RNF150: variants seen among roughly 807,000 people sequenced by gnomAD.
RNF150 encodes the protein ring finger protein 150.
A neutral mutation model predicts 39.3 loss-of-function variants in RNF150; 24 were observed. That is an observed-to-expected ratio of 0.61 (90% CI 0.44 to 0.86). The LOEUF (loss-of-function observed/expected upper bound fraction) is 0.86, where lower values mean the gene tolerates loss of function less well. Among genes scored for constraint, RNF150 ranks in the 40% least tolerant of loss-of-function variants. RNF150 has a pLI of 0.00. For synonymous variants in RNF150, 255 were observed against 227.3 expected, an observed-to-expected ratio of 1.12 and a Z score of -1.10; for missense variants, 502 against 587.8, an observed-to-expected ratio of 0.85 and a Z score of 1.51.
At chr4:141,140,841 A>G (rs1018496665) in intron 1 of RNF150, among the ~76,000 whole-genome samples, 5 of 152,184 alleles carry the variant, frequency 3.3e-5, no homozygotes, top group African/African-American at 1.2e-4. Flanking sequence ...CCCTTTTATG[A>G]TGAGGCCCAT....
At chr4:141,196,105 C>G (rs1004434296) in intron 1 of RNF150, among the ~76,000 whole-genome samples, 4 of 152,130 alleles carry the variant, frequency 2.6e-5, no homozygotes, top group Admixed American at 6.5e-5. Flanking sequence ...ACAGGTAAAG[C>G]TTTCCTCTTG....
intron 1 of RNF150, among the ~76,000 whole-genome samples, chr4:141,210,493 T>TTC (rs1728445182): frequency 6.6e-6 from 1 of 151,952 alleles, no homozygotes; most frequent in Non-Finnish European, 1.5e-5. Context: ...CAGCTTTTTT[T>TTC]TTTTTTTCCA....
intron 1 of RNF150, among the ~76,000 whole-genome samples, chr4:141,151,458 ACACAGACACACACAC>A (rs1201533102): frequency 9.7e-4 from 7 of 7,224 alleles, no homozygotes; most frequent in Admixed American, 4.0e-3. Flanking sequence ...ACACACACAC[ACACAGACACACACAC>A]AAATTTAAGT....
At chr4:141,129,999 G>T (rs1726850901) in intron 1 of RNF150, among the ~76,000 whole-genome samples, 1 of 152,130 alleles carries the variant, frequency 6.6e-6, no homozygotes, top group Non-Finnish European at 1.5e-5. Flanking sequence ...TCACAAATAT[G>T]CAGATTTTCT....
intron 1 of RNF150, among the ~76,000 whole-genome samples, chr4:141,076,169 C>T (rs1348910026): frequency 6.6e-6 from 1 of 152,116 alleles, no homozygotes; most frequent in Non-Finnish European, 1.5e-5. Flanking sequence ...TAAAAGATGA[C>T]ATGTACAGGA....
intron 1 of RNF150, among the ~76,000 whole-genome samples, chr4:141,169,640 G>A (rs976847507): frequency 2.0e-5 from 3 of 151,984 alleles, no homozygotes; most frequent in African/African-American, 7.2e-5. Context: ...ATCTTCATTT[G>A]GCTGATCTCT....
intron 6 of RNF150, among the ~76,000 whole-genome samples, chr4:140,905,637 A>G (rs1267428055): frequency 6.7e-6 from 1 of 148,414 alleles, no homozygotes; most frequent in Admixed American, 6.8e-5. Flanking sequence ...AAAGGGGTGG[A>G]GAAAGGCACC....
chr4:141,052,045 C>G (rs1461714956), intron 1 of RNF150, among the ~76,000 whole-genome samples: 2 of 152,144 alleles, frequency 1.3e-5, no homozygotes, highest in Non-Finnish European at 2.9e-5. Context: ...GCAAAGAGAG[C>G]TTCTGCAGGG....
intron 1 of RNF150, among the ~76,000 whole-genome samples, chr4:141,039,404 G>C (rs1178370154): frequency 6.6e-6 from 1 of 151,782 alleles, no homozygotes; most frequent in African/African-American, 2.4e-5. Flanking sequence ...GGTAGAGAAA[G>C]AAAGGGGAGG....
At chr4:141,041,005 C>T (rs1002849523) in intron 1 of RNF150, among the ~76,000 whole-genome samples, 2 of 152,160 alleles carry the variant, frequency 1.3e-5, no homozygotes, top group East Asian at 1.9e-4. Flanking sequence ...AAAGTGTTGG[C>T]ACTCATTCAC....
intron 1 of RNF150, among the ~76,000 whole-genome samples, chr4:140,977,602 T>A (rs774563490): frequency 3.3e-5 from 5 of 152,166 alleles, no homozygotes; most frequent in Non-Finnish European, 7.3e-5. Flanking sequence ...ACGTCCATAT[T>A]ATATAACCAG....
At chr4:141,163,958 C>G (rs373786150) in intron 1 of RNF150, among the ~76,000 whole-genome samples, 14 of 151,924 alleles carry the variant, frequency 9.2e-5, no homozygotes, top group African/African-American at 2.9e-4. Flanking sequence ...ATGAGTTTGA[C>G]GAATTGACAG....
chr4:141,098,791 T>C lies in RNF150; in HGVS notation c.484+33534A>G, dbSNP rs955999309. Among the ~76,000 whole-genome samples the C allele has an allele frequency of 9.2e-5, 14 of 152,316 alleles. No homozygotes were observed. The South Asian group carries it at 2.9e-3, about 32-fold the overall frequency. On this transcript the variant is annotated intron_variant, in intron 1 of 6. Transcript: ENST00000515673. ...AGCAGTAACAGTCTGATTTCAATGT[T>C]TTCCTTCCTCATTGTACAAGGACTG...
At chr4:141,030,471 C>T (rs139287527) in intron 1 of RNF150, among the ~76,000 whole-genome samples, 1 of 152,218 alleles carries the variant, frequency 6.6e-6, no homozygotes, top group Non-Finnish European at 1.5e-5. Context: ...CCCCAAAGTA[C>T]TGAATGCAGA....
intron 2 of RNF150, among the ~76,000 whole-genome samples, chr4:140,964,353 AGTATCTATTAAGGT>A (rs570168180): frequency 0.022 from 3,318 of 152,176 alleles, 103 homozygotes; most frequent in African/African-American, 0.056. Flanking sequence ...TTATGGGGCT[AGTATCTATTAAGGT>A]GAAAGTAGGT....
chr4:140,949,443 A>T, intron 2 of RNF150, 71 bp from the exon 3 acceptor site: 1 of 1,285,084 alleles, frequency 7.8e-7, no homozygotes, highest in Non-Finnish European at 1.1e-6. Flanking sequence ...ATATCATTTA[A>T]TACACCAGGG....
intron 2 of RNF150, among the ~76,000 whole-genome samples, chr4:140,959,157 T>G (rs1403538722): frequency 3.9e-5 from 6 of 152,134 alleles, no homozygotes; most frequent in Non-Finnish European, 8.8e-5. Context: ...CCTCTTGCCT[T>G]ATAACCCTGG....
chr4:141,020,266 C>T (rs1735442771), intron 1 of RNF150, among the ~76,000 whole-genome samples: 1 of 152,056 alleles, frequency 6.6e-6, no homozygotes, highest in South Asian at 2.1e-4. Context: ...TCTCTTATTC[C>T]TCTTCCCCAA....
intron 1 of RNF150, among the ~76,000 whole-genome samples, chr4:141,170,360 T>C (rs369385893): frequency 2.2e-4 from 34 of 152,166 alleles, no homozygotes; most frequent in African/African-American, 8.2e-4. Context: ...TGATTTTTTA[T>C]TGGAACATGA....
Sources: gnomAD v4.1 joint callset for allele counts (sites outside exome capture counted in the v4.1 genomes callset) on GRCh38, gnomAD v4.1.1 for gene constraint, MANE v1.5 for transcripts, NCBI Gene and HGNC (gene_info 2026-07-23, HGNC 2026-07-21) for gene names.